The following FHIT variants were observed in gnomAD, a reference collection of about 807,000 sequenced individuals.
FHIT encodes the protein fragile histidine triad diadenosine triphosphatase, also known as bis(5'-adenosyl)-triphosphatase.
A neutral mutation model predicts 17.9 loss-of-function variants in FHIT; 19 were observed. The ratio of observed to expected loss-of-function variants is 1.06; its 90% CI spans 0.74 to 1.56. The LOEUF is 1.56. Among genes scored for constraint, FHIT ranks in the 40% most tolerant of loss-of-function variants. The pLI, the probability that FHIT is intolerant of heterozygous loss-of-function variation, is 0.00. For missense variants in FHIT, 248 were observed against 189.2 expected (o/e 1.31, Z -1.82); for synonymous variants, 81 against 69.7 (o/e 1.16, Z -0.81).
chr3:60,380,608 A>C (rs1195429214), intron 5 of FHIT, among the ~76,000 whole-genome samples: 3 of 152,202 alleles, frequency 2.0e-5, no homozygotes, highest in South Asian at 2.1e-4. Context: ...GCAATGGATT[A>C]AAATGAGTAC....
intron 5 of FHIT, among the ~76,000 whole-genome samples, chr3:60,284,210 CTT>C (rs1448685553): frequency 8.5e-5 from 13 of 152,086 alleles, no homozygotes; most frequent in Non-Finnish European, 1.9e-4. Flanking sequence ...GAATGAAACA[CTT>C]ATTTCTCGAA....
chr3:60,851,953 T>G (rs1370097483), intron 3 of FHIT, among the ~76,000 whole-genome samples: 1 of 152,148 alleles, frequency 6.6e-6, no homozygotes, highest in Non-Finnish European at 1.5e-5. Context: ...TGATAAATTT[T>G]ATGTATCAAC....
chr3:60,584,915 C>T (rs1332811469), intron 4 of FHIT, among the ~76,000 whole-genome samples: 1 of 151,980 alleles, frequency 6.6e-6, no homozygotes, highest in Non-Finnish European at 1.5e-5. Flanking sequence ...TTCCTGGTCT[C>T]ACTCCACTAA....
chr3:60,789,156 G>GTGTATA lies in FHIT; in HGVS notation c.-18+32762_-18+32763insTATACA, dbSNP rs1286564492. 1.6e-3 allele frequency among the ~76,000 whole-genome samples: 204 copies of GTGTATA among 131,124 alleles called. 1 individual carries two copies. Among genetic ancestry groups the GTGTATA allele is most frequent in the African/African-American group, 6.1e-3 (200 of 32,848 alleles). The allele number at this position is 131,124 out of a possible 152,430, so 86.0% of individuals were successfully genotyped here. A position where few individuals can be genotyped will look rare whatever the true frequency, so the allele number is the denominator to read the frequency against. ...TATAGAGAGAGATGTGTGTGTGTGT[G>GTGTATA]TATATATATATATATATATAGAGAG... On this transcript the variant is annotated intron_variant, in intron 4 of 9. Transcript: ENST00000492590.
chr3:60,809,768 G>A (rs1451393697), intron 4 of FHIT, among the ~76,000 whole-genome samples: 2 of 152,092 alleles, frequency 1.3e-5, no homozygotes, highest in Non-Finnish European at 2.9e-5. Flanking sequence ...TAGTTGATGT[G>A]AGCAGGGTTG....
At chr3:61,046,389 G>A (rs1397599211) in intron 2 of FHIT, among the ~76,000 whole-genome samples, 3 of 152,140 alleles carry the variant, frequency 2.0e-5, no homozygotes, top group African/African-American at 7.2e-5. Flanking sequence ...AGAAACTCTA[G>A]AAGAAATGGA....
chr3:60,191,602 AT>A (rs903689513), intron 5 of FHIT, among the ~76,000 whole-genome samples: 10 of 152,108 alleles, frequency 6.6e-5, no homozygotes, highest in African/African-American at 2.4e-4. Flanking sequence ...GAAAAGTAGT[AT>A]TTTTTTATAT....
chr3:60,292,722 C>T (rs939046485), intron 5 of FHIT, among the ~76,000 whole-genome samples: 9 of 152,016 alleles, frequency 5.9e-5, no homozygotes, highest in East Asian at 1.9e-4. Flanking sequence ...AAGCTGAATG[C>T]CATCAGTGGA....
At chr3:59,987,806 A>T (rs1213223949) in intron 7 of FHIT, among the ~76,000 whole-genome samples, 1 of 152,022 alleles carries the variant, frequency 6.6e-6, no homozygotes, top group African/African-American at 2.4e-5. Context: ...TTTCAAAGTG[A>T]AGGGATATTT....
rs978466868 is a variant in FHIT at position 60,413,954 on chromosome 3, T to C, written c.103+122906A>G. ...GTTTTAGCAATTACAAAGCTTACAA[T>C]CTAGTCAGAAAAACAGACAAAATTC... On this transcript the variant is annotated intron_variant, in intron 5 of 9. Coordinates refer to ENST00000492590, the MANE Select transcript of FHIT (RefSeq NM_002012.4). Among the ~76,000 whole-genome samples, 35 of 152,272 alleles carry C rather than the reference T, an allele frequency of 2.3e-4. 1 individual carries two copies. Among genetic ancestry groups the C allele is most frequent in the African/African-American group, 7.9e-4 (33 of 41,558 alleles).
At chr3:60,026,504 C>T (rs941901409) in intron 5 of FHIT, among the ~76,000 whole-genome samples, 1 of 152,178 alleles carries the variant, frequency 6.6e-6, no homozygotes, top group Non-Finnish European at 1.5e-5. Context: ...CCACCCATCT[C>T]CATTTTCTCA....
At chr3:60,668,663 G>A (rs2040439580) in intron 4 of FHIT, among the ~76,000 whole-genome samples, 2 of 144,376 alleles carry the variant, frequency 1.4e-5, no homozygotes, top group Admixed American at 7.4e-5. Context: ...CCAGGTTCAC[G>A]CCATTCTCCT....
Position 60,316,741 on chromosome 3 carries a change from T to C in FHIT, c.103+220119A>G, listed in dbSNP as rs926044828. 6.6e-5 allele frequency among the ~76,000 whole-genome samples: 10 copies of C among 152,358 alleles called. No individual in the cohort carries two copies. In the East Asian group the frequency reaches 7.7e-4, roughly 12 times the overall value. ...AACTTAGCACAGCATATTTTACATATGGCAAACCATGGTTCCAACAACTAC... is the reference window on the plus strand; with the variant it reads ...AACTTAGCACAGCATATTTTACATACGGCAAACCATGGTTCCAACAACTAC... On this transcript the variant is annotated intron_variant, in intron 5 of 9. Transcript: ENST00000492590.
chr3:61,001,501 C>T (rs1412914494), intron 3 of FHIT, among the ~76,000 whole-genome samples: 1 of 152,156 alleles, frequency 6.6e-6, no homozygotes, highest in African/African-American at 2.4e-5. Context: ...TATTGATACA[C>T]ACCTGGATGA....
chr3:60,536,999 A>G lies in FHIT; in HGVS notation c.-17-20T>C. The G allele has an allele frequency of 1.3e-6, 2 of 1,582,614 alleles. No homozygotes were observed. The highest frequency in any genetic ancestry group is 8.6e-7 in the Non-Finnish European group (1 of 1,168,520). ...TGAAGTCTAAAAGAAAAGACAATGG[A>G]TAGTTATAAAATTCAATTAAGAAAC... On this transcript the variant is annotated intron_variant, in intron 4 of 9. Coordinates refer to ENST00000492590, the MANE Select transcript of FHIT (RefSeq NM_002012.4).
intron 5 of FHIT, among the ~76,000 whole-genome samples, chr3:60,364,593 T>C (rs141727324): frequency 7.2e-5 from 11 of 152,208 alleles, no homozygotes; most frequent in Admixed American, 2.0e-4. Flanking sequence ...AGGCATTCCA[T>C]TGAGCAACAC....
At chr3:59,976,788 T>C (rs2107411455) in intron 7 of FHIT, among the ~76,000 whole-genome samples, 1 of 152,252 alleles carries the variant, frequency 6.6e-6, no homozygotes, top group South Asian at 2.1e-4. Flanking sequence ...AAATGTCAAG[T>C]GAAATAATAT....
At chr3:60,323,277 C>A (rs982038426) in intron 5 of FHIT, among the ~76,000 whole-genome samples, 1 of 152,038 alleles carries the variant, frequency 6.6e-6, no homozygotes, top group Non-Finnish European at 1.5e-5. Flanking sequence ...TAACGTCAAG[C>A]GTCTAAGTGC....
chr3:59,834,440 C>T (rs547793743), intron 8 of FHIT, among the ~76,000 whole-genome samples: 1 of 152,232 alleles, frequency 6.6e-6, no homozygotes, highest in East Asian at 1.9e-4. Flanking sequence ...GAGAGACAGA[C>T]AGACACTTTG....
Sources: allele counts gnomAD v4.1 joint callset (sites outside exome capture counted in the v4.1 genomes callset), GRCh38; gene constraint gnomAD v4.1.1; transcripts MANE v1.5; gene names NCBI Gene and HGNC (gene_info 2026-07-23, HGNC 2026-07-21).